The following GPHN variants were observed in gnomAD, a reference collection of about 807,000 sequenced individuals.
GPHN encodes gephyrin.
Under a neutral mutation model 95.5 loss-of-function variants are expected in GPHN, and 17 were observed. That is an observed-to-expected ratio of 0.18 (90% CI 0.12 to 0.27). GPHN has a LOEUF of 0.27. GPHN is among the 10% of genes least tolerant of loss of function. The pLI is 1.00. For missense variants in GPHN, 660 were observed against 978.1 expected, an observed-to-expected ratio of 0.67 and a Z score of 4.34; for synonymous variants, 320 against 322.5, an observed-to-expected ratio of 0.99 and a Z score of 0.08.
At chr14:67,011,961 A>T (rs1594811202) in intron 9 of GPHN, among the ~76,000 whole-genome samples, 1 of 152,286 alleles carries the variant, frequency 6.6e-6, no homozygotes, top group South Asian at 2.1e-4. Context: ...TCATACCTCT[A>T]TACTAGAAAT....
At chr14:67,402,958 CA>C in the GPHN span, among the ~76,000 whole-genome samples, 1 of 152,178 alleles carries the variant, frequency 6.6e-6, no homozygotes, top group African/African-American at 2.4e-5. Context: ...TGCTGGATCA[CA>C]TGGTAGCTCT....
At chr14:67,687,295 C>T in the GPHN span, among the ~76,000 whole-genome samples, 1 of 152,138 alleles carries the variant, frequency 6.6e-6, no homozygotes, top group African/African-American at 2.4e-5. Flanking sequence ...AAAATCCTTA[C>T]TGTGGCCTCT....
intron 8 of GPHN, among the ~76,000 whole-genome samples, chr14:66,957,257 A>G (rs1596505301): frequency 7.6e-6 from 1 of 130,738 alleles, no homozygotes; most frequent in East Asian, 2.2e-4. Context: ...GTGCAGTGGC[A>G]CAATCTCGGC....
the GPHN span, among the ~76,000 whole-genome samples, chr14:67,280,657 C>T: frequency 2.0e-5 from 3 of 152,190 alleles, no homozygotes; most frequent in Non-Finnish European, 4.4e-5. Flanking sequence ...AAACCGGTAT[C>T]CAGCCTGCGT....
chr14:67,480,194 C>T, the GPHN span, among the ~76,000 whole-genome samples: 1 of 152,268 alleles, frequency 6.6e-6, no homozygotes, highest in African/African-American at 2.4e-5. Context: ...GCTTTTACAC[C>T]GCCTCTTACC....
chr14:66,643,303 G>A (rs1383895118), intron 1 of GPHN, among the ~76,000 whole-genome samples: 2 of 152,000 alleles, frequency 1.3e-5, no homozygotes, highest in African/African-American at 2.4e-5. Context: ...ACACAAATTG[G>A]TACTACCACT....
chr14:67,680,954 A>G, the GPHN span, among the ~76,000 whole-genome samples: 2 of 152,264 alleles, frequency 1.3e-5, no homozygotes, highest in Non-Finnish European at 2.9e-5. Flanking sequence ...AAAGTGAAAC[A>G]TAAACCCTTA....
At chr14:67,094,187 T>C (rs1468457417) in intron 12 of GPHN, among the ~76,000 whole-genome samples, 2 of 152,114 alleles carry the variant, frequency 1.3e-5, no homozygotes, top group Non-Finnish European at 2.9e-5. Context: ...GATTTGAAGA[T>C]CATCGTTTTC....
chr14:67,620,827 A>G, the GPHN span: 9 of 1,542,716 alleles, frequency 5.8e-6, no homozygotes, highest in Non-Finnish European at 8.1e-6. Flanking sequence ...TGGGAACTAA[A>G]TGTACCAAAT....
chr14:66,592,932 A>G (rs2061818306), intron 1 of GPHN, among the ~76,000 whole-genome samples: 1 of 152,256 alleles, frequency 6.6e-6, no homozygotes, highest in African/African-American at 2.4e-5. Flanking sequence ...GGATAAATCA[A>G]ATTTGGCACA....
the GPHN span, chr14:67,733,809 G>A: frequency 6.2e-7 from 1 of 1,613,476 alleles, no homozygotes; most frequent in Non-Finnish European, 8.5e-7. Context: ...AGCGCCTATG[G>A]AATGTCAGCT....
At position 66,944,250 on chromosome 14, in the gene GPHN, C is replaced by G. The variant is rs532994466; in HGVS notation, c.828+19958C>G. 5.5e-4 allele frequency among the ~76,000 whole-genome samples: 83 copies of G among 152,272 alleles called. 3 individuals are homozygous for G. The highest frequency in any genetic ancestry group is 1.9e-3 in the African/African-American group (81 of 41,556). On this transcript the variant is annotated intron_variant, in intron 8 of 22. Transcript: ENST00000478722. Reference sequence around the variant, plus strand: ...CTAAAGACTCAGAGAAAGGAAAATCCAAGGCGGTTCATGGAGGGGAAGAGA... The same window carrying G: ...CTAAAGACTCAGAGAAAGGAAAATCGAAGGCGGTTCATGGAGGGGAAGAGA...
At chr14:67,047,380 T>TTTC (rs2075087266) in intron 10 of GPHN, among the ~76,000 whole-genome samples, 1 of 143,198 alleles carries the variant, frequency 7.0e-6, no homozygotes, top group Non-Finnish European at 1.5e-5. Context: ...TTTTTTTTTT[T>TTTC]TTTGAGACAG....
At chr14:66,999,170 G>A (rs1245762524) in intron 9 of GPHN, among the ~76,000 whole-genome samples, 1 of 151,876 alleles carries the variant, frequency 6.6e-6, no homozygotes, top group South Asian at 2.1e-4. Flanking sequence ...TCTGTGACTA[G>A]CATGTAGTAG....
chr14:66,582,147 T>G (rs1221359580), intron 1 of GPHN, among the ~76,000 whole-genome samples: 1 of 151,956 alleles, frequency 6.6e-6, no homozygotes, highest in Non-Finnish European at 1.5e-5. Context: ...AAAATAAATC[T>G]CAACAAATTT....
chr14:66,750,248 T>C (rs1294552054), intron 2 of GPHN, among the ~76,000 whole-genome samples: 3 of 151,960 alleles, frequency 2.0e-5, no homozygotes, highest in African/African-American at 7.2e-5. Context: ...TTGAATTAAT[T>C]TTTGTGAAGG....
At chr14:67,574,021 A>G in the GPHN span, 1 of 725,694 alleles carries the variant, frequency 1.4e-6, no homozygotes, top group East Asian at 2.7e-5. The surrounding 1 kb of genome is among the most constrained non-coding windows in gnomAD (Gnocchi z 4.2). Context: ...CGTGATCCTA[A>G]CTTGTGAGTA....
the GPHN span, chr14:67,386,509 T>C: frequency 6.6e-6 from 1 of 152,340 alleles, no homozygotes; most frequent in African/African-American, 2.4e-5. Context: ...AAATGTTCTT[T>C]AAAAGTATTG....
chr14:67,201,598 C>A, the GPHN span: 1 of 452,762 alleles, frequency 2.2e-6, no homozygotes, highest in Non-Finnish European at 4.4e-6. Context: ...ACTGCTGAAA[C>A]CAGTCACTGG....
Sources: gnomAD v4.1 joint callset for allele counts (sites outside exome capture counted in the v4.1 genomes callset) on GRCh38, gnomAD v4.1.1 for gene constraint, Gnocchi (gnomAD v3.1) non-coding constraint, MANE v1.5 for transcripts, NCBI Gene and HGNC (gene_info 2026-07-23, HGNC 2026-07-21) for gene names.